The following CNTN5 variants were observed in gnomAD, a reference collection of about 807,000 sequenced individuals.
CNTN5 encodes the protein contactin 5.
CNTN5 carries 77 observed loss-of-function variants against 129.1 expected under a neutral mutation model. The ratio of observed to expected loss-of-function variants is 0.60; its 90% CI spans 0.50 to 0.72. The LOEUF (loss-of-function observed/expected upper bound fraction) is 0.72. CNTN5 is among the 30% of genes least tolerant of loss of function. The probability of loss-of-function intolerance (pLI) is 0.00; values close to 1 mark genes in which losing one functional copy is unlikely to be tolerated. For missense variants in CNTN5, 1,478 were observed against 1,328.8 expected, an observed-to-expected ratio of 1.11 and a Z score of -1.75; for synonymous variants, 509 against 465.6, an observed-to-expected ratio of 1.09 and a Z score of -1.20.
chr11:99,812,838 G>T (rs76669767), intron 3 of CNTN5, among the ~76,000 whole-genome samples: 1 of 152,068 alleles, frequency 6.6e-6, no homozygotes, highest in Non-Finnish European at 1.5e-5. Context: ...CGATGATGGC[G>T]GTACTGTAAG....
chr11:100,246,719 C>G (rs760210273), intron 16 of CNTN5, among the ~76,000 whole-genome samples: 1 of 152,078 alleles, frequency 6.6e-6, no homozygotes, highest in Non-Finnish European at 1.5e-5. Flanking sequence ...AGTCTTCTTT[C>G]AGAATAATGC....
At chr11:99,656,569 G>A (rs1156365004) in intron 3 of CNTN5, among the ~76,000 whole-genome samples, 1 of 152,128 alleles carries the variant, frequency 6.6e-6, no homozygotes, top group African/African-American at 2.4e-5. Flanking sequence ...CTGGACCCAT[G>A]CACTAGTTAA....
intron 3 of CNTN5, among the ~76,000 whole-genome samples, chr11:99,788,464 G>A (rs539926837): frequency 1.3e-5 from 2 of 151,980 alleles, no homozygotes; most frequent in African/African-American, 4.8e-5. Context: ...AATTTATTGT[G>A]TAGCTCATAA....
intron 3 of CNTN5, among the ~76,000 whole-genome samples, chr11:99,599,168 G>A (rs1950237304): frequency 6.6e-6 from 1 of 151,436 alleles, no homozygotes; most frequent in Admixed American, 6.6e-5. Context: ...ATCTCAATTT[G>A]TTACTTGGAG....
At chr11:99,650,130 T>C (rs536599924) in intron 3 of CNTN5, among the ~76,000 whole-genome samples, 7 of 152,024 alleles carry the variant, frequency 4.6e-5, no homozygotes, top group South Asian at 2.1e-4. Context: ...GTAATAAATT[T>C]TTTGGTATGG....
intron 3 of CNTN5, among the ~76,000 whole-genome samples, chr11:99,818,078 GTTA>G (rs568985184): frequency 3.9e-5 from 6 of 152,196 alleles, no homozygotes; most frequent in African/African-American, 1.4e-4. Context: ...CACCTAAAGT[GTTA>G]TTTTCAAATC....
At chr11:99,855,665 A>G (rs999371219) in intron 6 of CNTN5, among the ~76,000 whole-genome samples, 1 of 152,180 alleles carries the variant, frequency 6.6e-6, no homozygotes, top group Non-Finnish European at 1.5e-5. Flanking sequence ...CTCCTTTCCA[A>G]GTAAGGTATC....
intron 13 of CNTN5, among the ~76,000 whole-genome samples, chr11:100,121,574 A>AAAG (rs1432495111): frequency 6.6e-6 from 1 of 151,866 alleles, no homozygotes; most frequent in African/African-American, 2.4e-5. Context: ...GGATAAGTGA[A>AAAG]AAGTCTCTTC....
chr11:99,560,458 A>C (rs1948806498), intron 3 of CNTN5, among the ~76,000 whole-genome samples: 1 of 151,712 alleles, frequency 6.6e-6, no homozygotes. Context: ...TGACCAGCTA[A>C]TTTTTCTATT....
intron 6 of CNTN5, among the ~76,000 whole-genome samples, chr11:99,860,950 A>ATTTTT (rs146364893): frequency 6.4e-4 from 58 of 91,026 alleles, no homozygotes; most frequent in African/African-American, 1.3e-3. Flanking sequence ...ATATGTCTTC[A>ATTTTT]TTTTTTTTTT....
chr11:99,676,644 G>A (rs573142787), intron 3 of CNTN5, among the ~76,000 whole-genome samples: 8 of 152,028 alleles, frequency 5.3e-5, no homozygotes, highest in South Asian at 2.1e-4. Context: ...TTTGGTAGTC[G>A]TTAAGAAAAA....
intron 16 of CNTN5, among the ~76,000 whole-genome samples, chr11:100,244,947 G>A (rs1397604940): frequency 6.6e-6 from 1 of 152,056 alleles, no homozygotes; most frequent in Non-Finnish European, 1.5e-5. Context: ...ACCAGTCTTA[G>A]CAAATATAAG....
intron 3 of CNTN5, among the ~76,000 whole-genome samples, chr11:99,738,894 A>G (rs766694633): frequency 6.6e-5 from 10 of 152,190 alleles, no homozygotes; most frequent in Non-Finnish European, 1.5e-4. Context: ...AAAATATTAG[A>G]ATCACCTCTA....
At chr11:99,417,364 A>C (rs955016628) in intron 2 of CNTN5, among the ~76,000 whole-genome samples, 2 of 152,144 alleles carry the variant, frequency 1.3e-5, no homozygotes, top group Non-Finnish European at 2.9e-5. Context: ...TATCTCAGGG[A>C]AGAAATTGCT....
chr11:99,554,015 T>A (rs1948588962), intron 2 of CNTN5, among the ~76,000 whole-genome samples: 1 of 102,726 alleles, frequency 9.7e-6, no homozygotes, highest in Admixed American at 1.0e-4. Context: ...CACACACTTC[T>A]TCTTTTACAA....
chr11:99,930,537 T>C (rs529975040), intron 7 of CNTN5, among the ~76,000 whole-genome samples: 1 of 152,308 alleles, frequency 6.6e-6, no homozygotes, highest in Admixed American at 6.5e-5. Context: ...AGTTGCCTGA[T>C]ATTCTTTGGG....
At chr11:100,318,629 C>T (rs960815807) in intron 21 of CNTN5, among the ~76,000 whole-genome samples, 20 of 152,116 alleles carry the variant, frequency 1.3e-4, no homozygotes, top group African/African-American at 3.4e-4. Flanking sequence ...TTTCTGAGAA[C>T]AGCCCATTTA....
chr11:99,781,678 A>G (rs1257750676), intron 3 of CNTN5, among the ~76,000 whole-genome samples: 1 of 152,074 alleles, frequency 6.6e-6, no homozygotes, highest in Non-Finnish European at 1.5e-5. Flanking sequence ...TTTCAATTCG[A>G]TCAACATACT....
intron 8 of CNTN5, among the ~76,000 whole-genome samples, chr11:99,964,649 G>T (rs1442364174): frequency 1.3e-5 from 2 of 152,066 alleles, no homozygotes; most frequent in South Asian, 4.1e-4. Context: ...GCCAGGCTTT[G>T]GTATCAGGAT....
Sources: gnomAD v4.1 joint callset for allele counts (sites outside exome capture counted in the v4.1 genomes callset) on GRCh38, gnomAD v4.1.1 for gene constraint, MANE v1.5 for transcripts, NCBI Gene and HGNC (gene_info 2026-07-23, HGNC 2026-07-21) for gene names.